The following TPH2 variants were observed in gnomAD, a reference collection of about 807,000 sequenced individuals.
The protein encoded by TPH2 is tryptophan 5-hydroxylase 2.
In TPH2, 27 loss-of-function variants were observed where a neutral mutation model predicts 59.1. That is an observed-to-expected ratio of 0.46 (90% CI 0.34 to 0.63). TPH2 has a LOEUF of 0.63. Ranked by LOEUF, TPH2 falls within the 30% of genes least tolerant of loss-of-function variation. The pLI is 0.01. For missense variants in TPH2, 523 were observed against 588.3 expected (o/e 0.89, Z 1.15); for synonymous variants, 220 against 210.5 (o/e 1.05, Z -0.39).
chr12:71,997,045 A>G (rs1872710169), intron 8 of TPH2, among the ~76,000 whole-genome samples: 1 of 152,192 alleles, frequency 6.6e-6, no homozygotes, highest in Non-Finnish European at 1.5e-5. Flanking sequence ...TAGTCAGAAT[A>G]ATTTCTCTGG....
intron 6 of TPH2, among the ~76,000 whole-genome samples, chr12:71,975,029 C>A (rs574840934): frequency 6.6e-6 from 1 of 152,130 alleles, no homozygotes; most frequent in African/African-American, 2.4e-5. Context: ...TATATAGGTA[C>A]TTTTATAGCC....
At chr12:71,985,352 G>C (rs575517193) in intron 7 of TPH2, among the ~76,000 whole-genome samples, 1 of 152,256 alleles carries the variant, frequency 6.6e-6, no homozygotes, top group East Asian at 1.9e-4. Context: ...TGTTGTTGTT[G>C]TTGTTTTCCA....
At chr12:71,946,228 A>G (rs1466657977) in intron 4 of TPH2, among the ~76,000 whole-genome samples, 2 of 152,236 alleles carry the variant, frequency 1.3e-5, no homozygotes, top group Non-Finnish European at 2.9e-5. Flanking sequence ...TGGCAAGAGT[A>G]AATGCTTAAT....
intron 7 of TPH2, among the ~76,000 whole-genome samples, chr12:71,986,485 A>G (rs1592399267): frequency 6.6e-6 from 1 of 152,164 alleles, no homozygotes; most frequent in Non-Finnish European, 1.5e-5. Flanking sequence ...TATACATTCC[A>G]TTTTTAAAAA....
chr12:72,012,417 AAGGCCC>A (rs1192975927), intron 8 of TPH2, among the ~76,000 whole-genome samples: 1 of 152,210 alleles, frequency 6.6e-6, no homozygotes, highest in Non-Finnish European at 1.5e-5. Context: ...ACAGTGTGCA[AAGGCCC>A]AGGTGGAATC....
chr12:72,016,003 A>G (rs971781607), intron 8 of TPH2, among the ~76,000 whole-genome samples: 2 of 152,194 alleles, frequency 1.3e-5, no homozygotes, highest in East Asian at 3.9e-4. Context: ...CCTTGTATCC[A>G]TAAGTGCAGT....
chr12:72,022,586 C>T, intron 9 of TPH2, 92 bp downstream of exon 9: 1 of 991,518 alleles, frequency 1.0e-6, no homozygotes, highest in Non-Finnish European at 1.6e-6. Flanking sequence ...TTTCTACTCA[C>T]AGATACTCCA....
chr12:71,939,604 A>C (rs754475284), intron 1 of TPH2, among the ~76,000 whole-genome samples: 11 of 152,222 alleles, frequency 7.2e-5, no homozygotes, highest in Non-Finnish European at 1.3e-4. Context: ...TATTGGAATA[A>C]AAGAAAGATT....
intron 4 of TPH2, among the ~76,000 whole-genome samples, chr12:71,948,987 A>T (rs1447359046): frequency 2.0e-5 from 3 of 152,306 alleles, no homozygotes; most frequent in Non-Finnish European, 4.4e-5. Flanking sequence ...GACTAACTAG[A>T]ATTATAAGAA....
At chr12:71,978,905 G>T in intron 6 of TPH2, 47 bp from the exon 7 acceptor site, 1 of 1,613,738 alleles carries the variant, frequency 6.2e-7, no homozygotes, top group Non-Finnish European at 8.5e-7. Context: ...GGGCCCTCAA[G>T]TCTTGCTGGG....
intron 5 of TPH2, chr12:71,965,549 T>G (rs1038334458): frequency 6.6e-6 from 1 of 152,228 alleles, no homozygotes; most frequent in African/African-American, 2.4e-5. Flanking sequence ...TGTTGAGCTA[T>G]TTTTCATATG....
intron 1 of TPH2, among the ~76,000 whole-genome samples, chr12:71,940,281 C>T (rs746863181): frequency 6.6e-5 from 10 of 152,144 alleles, no homozygotes; most frequent in Non-Finnish European, 1.3e-4. Flanking sequence ...AACACTGAGA[C>T]ATTTGAGCTT....
At chr12:71,968,558 A>G (rs1209222413) in intron 5 of TPH2, among the ~76,000 whole-genome samples, 1 of 152,218 alleles carries the variant, frequency 6.6e-6, no homozygotes, top group Non-Finnish European at 1.5e-5. Flanking sequence ...AAGTGGTGGC[A>G]GCACCTGGAG....
intron 5 of TPH2, among the ~76,000 whole-genome samples, chr12:71,954,438 C>T (rs139747049): frequency 3.2e-4 from 49 of 152,238 alleles, no homozygotes; most frequent in African/African-American, 1.2e-3. Flanking sequence ...ATGTCTAACA[C>T]GCAGATCATG....
At chr12:71,939,186 C>A in intron 1 of TPH2, 95 bp downstream of exon 1, 2 of 913,482 alleles carry the variant, frequency 2.2e-6, no homozygotes, top group Non-Finnish European at 3.5e-6. Flanking sequence ...TGTAAGCACG[C>A]ACACCTCAAA....
At chr12:71,957,327 A>ATTTTT (rs35425528) in intron 5 of TPH2, among the ~76,000 whole-genome samples, 243 of 95,616 alleles carry the variant, frequency 2.5e-3, no homozygotes, top group East Asian at 5.0e-3. Context: ...TGAGTAAAGG[A>ATTTTT]TTTTTTTTTT....
At chr12:71,962,266 A>G (rs1325233935) in intron 5 of TPH2, 32 of 985,334 alleles carry the variant, frequency 3.2e-5, no homozygotes, top group Non-Finnish European at 1.1e-5. Context: ...TTGTAAAAAA[A>G]TATTATTAAA....
chr12:72,012,165 G>T lies in TPH2; in HGVS notation c.1069-10234G>T, dbSNP rs143314757. Among the ~76,000 whole-genome samples the T allele has an allele frequency of 2.0e-3, 293 of 148,400 alleles. 2 individuals carry two copies. The highest frequency in any genetic ancestry group is 6.2e-3 in the African/African-American group (254 of 40,650). On this transcript the variant is annotated intron_variant, in intron 8 of 10. Transcript: ENST00000333850. ...CGCATGTCAGGCAGGATGATAGAGA[G>T]CAGGAATTCAACAACAACAACAACA...
chr12:72,019,972 C>T (rs1212849237), intron 8 of TPH2, among the ~76,000 whole-genome samples: 3 of 152,208 alleles, frequency 2.0e-5, no homozygotes, highest in African/African-American at 7.2e-5. Context: ...CCAGGTCATT[C>T]TGCCACATGC....
Sources: gnomAD v4.1 joint callset for allele counts (sites outside exome capture counted in the v4.1 genomes callset) on GRCh38, gnomAD v4.1.1 for gene constraint, MANE v1.5 for transcripts, NCBI Gene and HGNC (gene_info 2026-07-23, HGNC 2026-07-21) for gene names.